The following DNAAF11 variants were observed in gnomAD, a reference collection of about 807,000 sequenced individuals.
DNAAF11 encodes the protein dynein axonemal assembly factor 11.
A neutral mutation model predicts 60.8 loss-of-function variants in DNAAF11; 45 were observed. The ratio of observed to expected loss-of-function variants is 0.74; its 90% confidence interval spans 0.58 to 0.95. DNAAF11 has a LOEUF of 0.95. DNAAF11 is among the 40% of genes least tolerant of loss of function. The pLI is 0.00. For synonymous variants in DNAAF11, 191 were observed against 183.5 expected, an observed-to-expected ratio of 1.04 and a Z score of -0.33; for missense variants, 546 against 546.2, an observed-to-expected ratio of 1.00 and a Z score of 0.00.
chr8:132,675,816 G>T (rs899838949), upstream of DNAAF11, among the ~76,000 whole-genome samples: 1 of 152,198 alleles, frequency 6.6e-6, no homozygotes, highest in Non-Finnish European at 1.5e-5. Flanking sequence ...GTATGAGGAC[G>T]CTTCTCTTTT....
upstream of DNAAF11, among the ~76,000 whole-genome samples, chr8:132,679,166 T>G (rs926610861): frequency 6.6e-6 from 1 of 152,218 alleles, no homozygotes; most frequent in Non-Finnish European, 1.5e-5. Context: ...GCCTAAACCT[T>G]AATTCTATAC....
At position 132,611,275 on chromosome 8, in the gene DNAAF11, C is replaced by T. The variant is rs2129983799; in HGVS notation, c.1044+19G>A. ...AGCTTAGCTTTTGAAATTGTAATAG[C>T]CTACAGGGTTCTACTTACCTTTCCT... On this transcript the variant is annotated intron_variant, in intron 9 of 11. Transcript: ENST00000620350. The T allele has an allele frequency of 6.4e-7, 1 of 1,574,224 alleles. No homozygotes were observed. The highest frequency in any genetic ancestry group is 8.7e-7 in the Non-Finnish European group (1 of 1,144,860).
At chr8:132,617,681 G>C (rs962699572) in intron 7 of DNAAF11, among the ~76,000 whole-genome samples, 3 of 152,118 alleles carry the variant, frequency 2.0e-5, no homozygotes, top group African/African-American at 7.2e-5. Flanking sequence ...TGGTGAGAGA[G>C]GGCATCCCTG....
chr8:132,638,078 T>G lies in DNAAF11; in HGVS notation c.286A>C (p.Thr96Pro). Reference sequence around the variant, plus strand: ...CTCAGCTCTCCAATGAAATTCACAGTCAGGTCAAGTTTTGCCAGCTCTTCA... The same window carrying G: ...CTCAGCTCTCCAATGAAATTCACAGGCAGGTCAAGTTTTGCCAGCTCTTCA... ...GCEELAKLDL[T>P]VNFIGELSSI... The change falls in exon 4 of 12, where the codon ACT (threonine) becomes CCT (proline). Residue 96 changes from threonine (T) to proline (P), a missense_variant. Transcript: ENST00000620350. 1 of 1,614,086 alleles carries G rather than the reference T, an allele frequency of 6.2e-7. No individual in the cohort carries two copies. The highest frequency in any genetic ancestry group is 2.2e-5 in the East Asian group (1 of 44,874).
At chr8:132,595,376 A>T (rs1816901433) in intron 10 of DNAAF11, among the ~76,000 whole-genome samples, 3 of 145,910 alleles carry the variant, frequency 2.1e-5, no homozygotes, top group South Asian at 4.3e-4. Context: ...AAAAAAAAAA[A>T]AGCTGTGTCC....
At chr8:132,620,189 T>C (rs1426397714) in intron 7 of DNAAF11, among the ~76,000 whole-genome samples, 2 of 151,926 alleles carry the variant, frequency 1.3e-5, no homozygotes, top group Non-Finnish European at 2.9e-5. Context: ...TAGAGGTGAA[T>C]GGTCTCCTCC....
At chr8:132,679,833 T>G (rs1825839893), upstream of DNAAF11, among the ~76,000 whole-genome samples, 2 of 152,244 alleles carry the variant, frequency 1.3e-5, no homozygotes, top group African/African-American at 4.8e-5. Context: ...GCCATGATTG[T>G]GAGGCCTCCA....
At chr8:132,624,997 C>T (rs905283960) in intron 6 of DNAAF11, among the ~76,000 whole-genome samples, 1 of 152,090 alleles carries the variant, frequency 6.6e-6, no homozygotes, top group African/African-American at 2.4e-5. Flanking sequence ...TAACTTAATA[C>T]ACTATTATTA....
chr8:132,622,168 A>AT (rs1819828195), intron 7 of DNAAF11, among the ~76,000 whole-genome samples: 1 of 152,184 alleles, frequency 6.6e-6, no homozygotes, highest in Admixed American at 6.5e-5. Flanking sequence ...CATTGAGGGT[A>AT]TTATATTGAT....
the DNAAF11 span, among the ~76,000 whole-genome samples, chr8:132,693,063 T>A: frequency 2.6e-5 from 4 of 152,082 alleles, no homozygotes; most frequent in African/African-American, 9.7e-5. Context: ...ATCATGCTGG[T>A]GAGTGAGCCA....
intron 11 of DNAAF11, among the ~76,000 whole-genome samples, chr8:132,574,441 T>C (rs941539422): frequency 1.3e-5 from 2 of 152,210 alleles, no homozygotes; most frequent in African/African-American, 2.4e-5. Context: ...AGAGGGTGCC[T>C]ACCAGCACCC....
At chr8:132,595,630 A>G (rs893034545) in intron 10 of DNAAF11, among the ~76,000 whole-genome samples, 2 of 152,226 alleles carry the variant, frequency 1.3e-5, no homozygotes, top group Non-Finnish European at 2.9e-5. Context: ...CTGAGCACAG[A>G]CAAAAGACTG....
intron 4 of DNAAF11, among the ~76,000 whole-genome samples, chr8:132,633,320 T>C (rs542979440): frequency 3.3e-5 from 5 of 152,186 alleles, no homozygotes; most frequent in South Asian, 2.1e-4. Context: ...CCAAAAGCTC[T>C]CTACAGAAAA....
At chr8:132,598,350 A>G (rs1817238359) in intron 10 of DNAAF11, among the ~76,000 whole-genome samples, 1 of 152,172 alleles carries the variant, frequency 6.6e-6, no homozygotes, top group East Asian at 1.9e-4. Context: ...TTAAATTATG[A>G]CCTTGGGAAA....
At chr8:132,623,700 C>G (rs1026724185) in intron 6 of DNAAF11, among the ~76,000 whole-genome samples, 2 of 152,080 alleles carry the variant, frequency 1.3e-5, no homozygotes, top group African/African-American at 2.4e-5. Flanking sequence ...ACTTTTAATA[C>G]AGATTTTGTG....
chr8:132,570,508 T>C lies in DNAAF11; in HGVS notation c.*1798A>G, dbSNP rs1814078797. ...TCTATGTGGAAATTAAATACAGTCC[T>C]GACAAATGTACATGATTTCCAAGTT... On this transcript the variant is annotated 3_prime_UTR_variant, in exon 12 of 12. Coordinates refer to ENST00000620350, the MANE Select transcript of DNAAF11 (RefSeq NM_012472.6). 6.6e-6 allele frequency among the ~76,000 whole-genome samples: 1 copy of C among 152,232 alleles called. No homozygotes were observed. Among genetic ancestry groups the C allele is most frequent in the African/African-American group, 2.4e-5 (1 of 41,462 alleles).
intron 3 of DNAAF11, among the ~76,000 whole-genome samples, chr8:132,643,046 A>T (rs1220468968): frequency 6.6e-6 from 1 of 152,208 alleles, no homozygotes; most frequent in Non-Finnish European, 1.5e-5. Flanking sequence ...TCGCAAGATC[A>T]GTTCACAATA....
intron 10 of DNAAF11, among the ~76,000 whole-genome samples, chr8:132,606,245 G>C (rs2129855659): frequency 6.6e-6 from 1 of 152,122 alleles, no homozygotes; most frequent in South Asian, 2.1e-4. Context: ...AAATGACTAT[G>C]TTACTGGTTT....
At chr8:132,683,508 T>C in the DNAAF11 span, among the ~76,000 whole-genome samples, 1 of 152,278 alleles carries the variant, frequency 6.6e-6, no homozygotes, top group East Asian at 1.9e-4. Flanking sequence ...TCTTCCTTTT[T>C]GGTCTTCTGG....
Sources: allele counts gnomAD v4.1 joint callset (sites outside exome capture counted in the v4.1 genomes callset), GRCh38; gene constraint gnomAD v4.1.1; transcripts MANE v1.5; gene names NCBI Gene and HGNC (gene_info 2026-07-23, HGNC 2026-07-21).